Variants in NAMPT observed in about 807,000 individuals in gnomAD.
The protein encoded by NAMPT is NAmPRTase.
A neutral mutation model predicts 58.7 loss-of-function variants in NAMPT; 7 were observed. The observed-to-expected ratio is 0.12, with a 90% CI of 0.07 to 0.22. The LOEUF (loss-of-function observed/expected upper bound fraction) is 0.22, where lower values mean the gene tolerates loss of function less well. Among genes scored for constraint, NAMPT ranks in the 10% least tolerant of loss-of-function variants. The probability of loss-of-function intolerance (pLI) is 1.00; values close to 1 mark genes in which losing one functional copy is unlikely to be tolerated. For missense variants in NAMPT, 271 were observed against 567.9 expected, an observed-to-expected ratio of 0.48 and a Z score of 5.31; for synonymous variants, 145 against 198.1, an observed-to-expected ratio of 0.73 and a Z score of 2.25.
chr7:106,257,330 A>G (rs182681462), intron 8 of NAMPT, among the ~76,000 whole-genome samples: 170 of 151,874 alleles, frequency 1.1e-3, no homozygotes, highest in Middle Eastern at 6.8e-3. Context: ...ACAGATGCAC[A>G]TACAGGCTGG....
At chr7:106,282,541 G>T (rs938125284) in intron 1 of NAMPT, among the ~76,000 whole-genome samples, 3 of 152,194 alleles carry the variant, frequency 2.0e-5, no homozygotes, top group Admixed American at 1.3e-4. Flanking sequence ...AGGAACCACA[G>T]TCGTCAGTGT....
At chr7:106,278,009 A>C (rs905388223) in intron 1 of NAMPT, among the ~76,000 whole-genome samples, 1 of 152,250 alleles carries the variant, frequency 6.6e-6, no homozygotes, top group Non-Finnish European at 1.5e-5. Flanking sequence ...GTATCTGCCC[A>C]ATTTCAAGAG....
Position 106,268,656 on chromosome 7 carries a change from T to C in NAMPT, c.607-56A>G, listed in dbSNP as rs1024277039. On this transcript the variant is annotated intron_variant, in intron 5 of 10. Transcript: ENST00000222553. ...AACAGAAAGAAACCCACATTAATAA[T>C]ACCAGGATGCAGCCAACCACATTTA... 9.3e-6 allele frequency: 12 copies of C among 1,288,108 alleles called. No homozygotes were observed. The African/African-American group carries it at 1.7e-4, about 19-fold the overall frequency. 79.8% of individuals were successfully genotyped at this position (1,288,108 alleles called of 1,614,324 possible).
upstream of NAMPT, chr7:106,285,414 G>T: frequency 5.5e-6 from 3 of 549,606 alleles, no homozygotes; most frequent in Non-Finnish European, 7.0e-6. Context: ...CGCCCGCCCC[G>T]CCTGGGACCT....
Position 106,248,701 on chromosome 7 carries a change from T to C in NAMPT, c.*2382A>G, listed in dbSNP as rs1295227256. ...ATCAAGAGGGATTAATTAATGTCAG[T>C]TGAAAATCTAATGACTTAAATCCAT... On this transcript the variant is annotated 3_prime_UTR_variant, in exon 11 of 11. Coordinates refer to ENST00000222553, the MANE Select transcript of NAMPT (RefSeq NM_005746.3). 6.6e-6 allele frequency: 1 copy of C among 152,080 alleles called. No individual in the cohort carries two copies. The highest frequency in any genetic ancestry group is 1.5e-5 in the Non-Finnish European group (1 of 67,972). 9.4% of individuals were successfully genotyped at this position (152,080 alleles called of 1,614,324 possible).
At chr7:106,282,323 A>C (rs1002177782) in intron 1 of NAMPT, among the ~76,000 whole-genome samples, 4 of 152,192 alleles carry the variant, frequency 2.6e-5, no homozygotes, top group African/African-American at 7.2e-5. Context: ...GGATTTCAAA[A>C]TACTACTTAT....
Position 106,250,900 on chromosome 7 carries a change from T to G in NAMPT, c.*183A>C, listed in dbSNP as rs1325533181. The G allele has an allele frequency of 1.7e-6, 1 of 586,560 alleles. No individual in the cohort carries two copies. The highest frequency in any genetic ancestry group is 3.0e-6 in the Non-Finnish European group (1 of 334,970). The allele number at this position is 586,560 out of a possible 1,614,324, so 36.3% of individuals were successfully genotyped here. ...CTTACTTTAGCACTCATCTTTTACA[T>G]GGTTAAATGCATTTCCTAATTTGAG... On this transcript the variant is annotated 3_prime_UTR_variant, in exon 11 of 11. Coordinates refer to ENST00000222553, the MANE Select transcript of NAMPT (RefSeq NM_005746.3).
intron 5 of NAMPT, 114 bp downstream of exon 5, chr7:106,269,040 A>T: frequency 1.0e-6 from 1 of 988,690 alleles, no homozygotes. Flanking sequence ...CTGTTGGTTG[A>T]ATCTTTGGAA....
At chr7:106,257,615 C>CT (rs1792225670) in intron 8 of NAMPT, among the ~76,000 whole-genome samples, 1 of 144,316 alleles carries the variant, frequency 6.9e-6, no homozygotes, top group South Asian at 2.4e-4. Flanking sequence ...GGGTGACAGA[C>CT]TGAGTCCCTG....
intron 3 of NAMPT, among the ~76,000 whole-genome samples, chr7:106,274,214 G>C (rs981713171): frequency 2.0e-5 from 3 of 151,682 alleles, no homozygotes; most frequent in Admixed American, 2.0e-4. Flanking sequence ...TGTAGTGATA[G>C]ACTCACAGCA....
Position 106,248,363 on chromosome 7 carries a change from G to C in NAMPT, c.*2720C>G, listed in dbSNP as rs1224899868. The C allele has an allele frequency of 6.6e-6, 1 of 152,476 alleles. No homozygotes were observed. Among genetic ancestry groups the C allele is most frequent in the Non-Finnish European group, 1.5e-5 (1 of 67,994 alleles). 9.4% of individuals were successfully genotyped at this position (152,476 alleles called of 1,614,324 possible). On this transcript the variant is annotated 3_prime_UTR_variant, in exon 11 of 11. Transcript: ENST00000222553. Reference sequence around the variant, plus strand: ...ATAACTTGATGTTGAGTACATATTAGAATAGACTTAACATACAACTTGGGA... The same window carrying C: ...ATAACTTGATGTTGAGTACATATTACAATAGACTTAACATACAACTTGGGA...
At chr7:106,274,625 T>C (rs1312989969) in intron 3 of NAMPT, among the ~76,000 whole-genome samples, 4 of 152,068 alleles carry the variant, frequency 2.6e-5, no homozygotes, top group South Asian at 4.1e-4. Context: ...GAGGCCAAGG[T>C]GGGCAGATCA....
At chr7:106,281,786 C>A (rs777435385) in intron 1 of NAMPT, among the ~76,000 whole-genome samples, 1 of 152,140 alleles carries the variant, frequency 6.6e-6, no homozygotes, top group African/African-American at 2.4e-5. Context: ...AGAGAAATTG[C>A]AAAATCACCT....
At chr7:106,273,769 G>A (rs535247158) in intron 3 of NAMPT, among the ~76,000 whole-genome samples, 6 of 152,254 alleles carry the variant, frequency 3.9e-5, no homozygotes, top group Admixed American at 6.5e-5. Context: ...ATAGCTCACA[G>A]ATTCTATTGA....
chr7:106,262,781 GT>G (rs566528939), intron 7 of NAMPT, among the ~76,000 whole-genome samples: 4 of 150,552 alleles, frequency 2.7e-5, no homozygotes, highest in African/African-American at 4.9e-5. Flanking sequence ...ATTTATCACT[GT>G]TTTTTTTTGT....
chr7:106,277,330 A>ATAAG, intron 1 of NAMPT, 151 bp from the exon 2 acceptor site: 1 of 647,296 alleles, frequency 1.5e-6, no homozygotes, highest in East Asian at 2.8e-5. Flanking sequence ...CAAATAAAAA[A>ATAAG]TAAGTATCTA....
chr7:106,254,716 T>G (rs1310789922), intron 8 of NAMPT, among the ~76,000 whole-genome samples: 1 of 152,182 alleles, frequency 6.6e-6, no homozygotes, highest in East Asian at 1.9e-4. Context: ...GCATAGTTCC[T>G]GAATCTGCAT....
chr7:106,284,962 G>T lies in NAMPT; in HGVS notation c.-78C>A, dbSNP rs1792842992. 7.2e-6 allele frequency: 11 copies of T among 1,535,396 alleles called. No homozygotes were observed. The highest frequency in any genetic ancestry group is 1.4e-5 in the African/African-American group (1 of 72,684). ...AGGAAGGAGAAAAATGAGCTTCACC[G>T]CGCTCCGTTGCTTAAGTCACTGCTC... On this transcript the variant is annotated 5_prime_UTR_variant, in exon 1 of 11. Coordinates refer to ENST00000222553, the MANE Select transcript of NAMPT (RefSeq NM_005746.3).
chr7:106,260,268 A>G (rs1792280375), intron 8 of NAMPT, among the ~76,000 whole-genome samples: 1 of 152,238 alleles, frequency 6.6e-6, no homozygotes, highest in African/African-American at 2.4e-5. Context: ...AGCAGCTTCT[A>G]CATCAGCACT....
Sources: gnomAD v4.1 joint callset for allele counts (sites outside exome capture counted in the v4.1 genomes callset) on GRCh38, gnomAD v4.1.1 for gene constraint, MANE v1.5 for transcripts, NCBI Gene and HGNC (gene_info 2026-07-23, HGNC 2026-07-21) for gene names.